GARS1: variants seen among roughly 807,000 people sequenced by gnomAD.
The protein encoded by GARS1 is glycyl-tRNA synthetase 1, also known as glycine--tRNA ligase.
Under a neutral mutation model 86.4 loss-of-function variants are expected in GARS1, and 46 were observed. That is an observed-to-expected ratio of 0.53 (90% CI 0.42 to 0.68). GARS1 has a LOEUF of 0.68. Among genes scored for constraint, GARS1 ranks in the 30% least tolerant of loss-of-function variants. GARS1 has a pLI of 0.00. For synonymous variants in GARS1, 342 were observed against 329.8 expected, an observed-to-expected ratio of 1.04 and a Z score of -0.40; for missense variants, 797 against 915.6, an observed-to-expected ratio of 0.87 and a Z score of 1.67.
intron 13 of GARS1, among the ~76,000 whole-genome samples, chr7:30,626,747 C>A (rs1783137302): frequency 6.6e-6 from 1 of 152,206 alleles, no homozygotes; most frequent in Non-Finnish European, 1.5e-5. Context: ...CTTTGGGAGG[C>A]CAAGGCGGGT....
Position 30,617,125 on chromosome 7 carries a change from TA to T in GARS1, c.1208del (p.Asn403ThrfsTer4). The T allele has an allele frequency of 6.2e-7, 1 of 1,614,162 alleles. No individual in the cohort carries two copies. Among genetic ancestry groups the T allele is most frequent in the Non-Finnish European group, 8.5e-7 (1 of 1,180,002 alleles). Reference sequence around the variant, plus strand: ...ATTGGTTGGTTTAGGGTGTGATTAATAACACAGTATTAGGCTATTTCATTGG... The same window carrying T: ...ATTGGTTGGTTTAGGGTGTGATTAATACACAGTATTAGGCTATTTCATTGG... ...GDAVEQGVIN[N>X]TVLGYFIGRI... On this transcript the variant is annotated frameshift_variant, in exon 10 of 17. Transcript: ENST00000389266. LOFTEE classifies it high-confidence loss of function.
rs1375309953 is a variant in GARS1, at chr7:30,621,387, T to C, written c.1360-6T>C. Reference sequence around the variant, plus strand: ...AGTAATGTTTTTATTGATTATATCTTTTTAGGGTTGGATTGAGATTGTTGG... The same window carrying C: ...AGTAATGTTTTTATTGATTATATCTCTTTAGGGTTGGATTGAGATTGTTGG... On this transcript the variant is annotated splice_region_variant and splice_polypyrimidine_tract_variant and intron_variant, in intron 10 of 16. Transcript: ENST00000389266. The C allele has an allele frequency of 1.2e-6, 2 of 1,612,506 alleles. No individual in the cohort carries two copies. Among genetic ancestry groups the C allele is most frequent in the Non-Finnish European group, 1.7e-6 (2 of 1,178,532 alleles).
In GARS1 at chr7:30,594,929, C is replaced by A. The variant is rs1184401493; in HGVS notation, c.8C>A (p.Ser3Tyr). Residue 3 changes from serine to tyrosine, a missense_variant, in exon 1 of 17, where the codon TCT becomes TAT. This residue lies in a region of GARS1 where 199 missense variants were observed against 176.9 expected (regional missense o/e 1.12). Coordinates refer to ENST00000389266, the MANE Select transcript of GARS1 (RefSeq NM_002047.4). ...GCCCAGGGCCGCAGGCTCATGCCCT[C>A]TCCGCGTCCAGTGCTGCTTAGAGGT... Reference protein sequence around the residue: MPSPRPVLLRGAR... With the variant: MPYPRPVLLRGAR... The A allele has an allele frequency of 6.3e-7, 1 of 1,589,326 alleles. No individual in the cohort carries two copies. Among genetic ancestry groups the A allele is most frequent in the South Asian group, 1.1e-5 (1 of 88,926 alleles).
chr7:30,600,795 C>T (rs1791357636), intron 3 of GARS1, among the ~76,000 whole-genome samples: 1 of 152,172 alleles, frequency 6.6e-6, no homozygotes, highest in Non-Finnish European at 1.5e-5. Flanking sequence ...CTTTTTCATT[C>T]TGTTCTCTAA....
intron 6 of GARS1, among the ~76,000 whole-genome samples, chr7:30,606,814 C>T (rs1321873111): frequency 6.6e-6 from 1 of 152,080 alleles, no homozygotes; most frequent in East Asian, 1.9e-4. Flanking sequence ...GTGATCTGAG[C>T]TAGGAAGTTG....
At chr7:30,622,065 C>T in intron 11 of GARS1, 2 of 503,440 alleles carry the variant, frequency 4.0e-6, no homozygotes, top group Non-Finnish European at 7.2e-6. Context: ...TGGGTCATTG[C>T]TGATTAGATA....
chr7:30,606,666 T>A (rs1260819450), intron 6 of GARS1, among the ~76,000 whole-genome samples: 4 of 152,222 alleles, frequency 2.6e-5, no homozygotes, highest in Admixed American at 2.0e-4. Flanking sequence ...GAAAACTTCC[T>A]TTAATATGAC....
At chr7:30,613,869 G>C (rs1468457879) in intron 8 of GARS1, among the ~76,000 whole-genome samples, 1 of 152,126 alleles carries the variant, frequency 6.6e-6, no homozygotes, top group Non-Finnish European at 1.5e-5. Flanking sequence ...AGAGTTCTCT[G>C]GTGATTAATC....
intron 1 of GARS1, among the ~76,000 whole-genome samples, chr7:30,595,644 T>C (rs1037064855): frequency 6.6e-6 from 1 of 152,224 alleles, no homozygotes; most frequent in African/African-American, 2.4e-5. Flanking sequence ...CCTTTAATCT[T>C]TAGGATGCTT....
chr7:30,606,137 G>C (rs1350271224), intron 6 of GARS1, among the ~76,000 whole-genome samples: 1 of 152,112 alleles, frequency 6.6e-6, no homozygotes, highest in Non-Finnish European at 1.5e-5. Flanking sequence ...TTAGAAGCTT[G>C]ACCAGGTATT....
chr7:30,609,001 C>T (rs1204360124), intron 6 of GARS1, among the ~76,000 whole-genome samples: 1 of 152,176 alleles, frequency 6.6e-6, no homozygotes, highest in Non-Finnish European at 1.5e-5. Flanking sequence ...GGAGGGCATA[C>T]ATCATTTTAC....
rs753947676 is a variant in GARS1 at position 30,622,402 on chromosome 7, A to T, written c.1553A>T (p.Tyr518Phe). 1 of 1,612,804 alleles carries T rather than the reference A, an allele frequency of 6.2e-7. No individual in the cohort carries two copies. Among genetic ancestry groups the T allele is most frequent in the East Asian group, 2.2e-5 (1 of 44,862 alleles). ...YKKDAKLVME[Y>F]LAICDECYIT... ...AAGGATGCAAAACTGGTGATGGAGT[A>T]TCTTGCCATTTGTGATGAGTGCTAC... Residue 518 changes from tyrosine to phenylalanine, a missense_variant, in exon 12 of 17, where the codon TAT becomes TTT. This residue lies in a region of GARS1 where 598 missense variants were observed against 738.7 expected (regional missense o/e 0.81). Transcript: ENST00000389266.
intron 1 of GARS1, among the ~76,000 whole-genome samples, chr7:30,596,455 C>T (rs1226748049): frequency 6.6e-6 from 1 of 151,896 alleles, no homozygotes; most frequent in Non-Finnish European, 1.5e-5. Context: ...AATATCCTTC[C>T]CTTTAGAAGG....
At chr7:30,609,494 A>C in intron 6 of GARS1, 91 bp from the exon 7 acceptor site, 1 of 1,049,908 alleles carries the variant, frequency 9.5e-7, no homozygotes, top group Non-Finnish European at 1.5e-6. Context: ...GTGTGATTGT[A>C]GCAGTGGATG....
intron 1 of GARS1, among the ~76,000 whole-genome samples, chr7:30,595,344 C>T (rs1374257831): frequency 2.0e-5 from 3 of 152,216 alleles, no homozygotes. Flanking sequence ...CCGCGGACCT[C>T]CGTCCTCCTC....
In GARS1 at chr7:30,600,084, G is replaced by T. The variant is rs370915469; in HGVS notation, c.427+35G>T. The T allele has an allele frequency of 2.3e-5, 32 of 1,404,272 alleles. No individual in the cohort carries two copies. In the African/African-American group the frequency reaches 3.2e-4, roughly 14 times the overall value. The allele number at this position is 1,404,272 out of a possible 1,614,324, so 87.0% of individuals were successfully genotyped here. ...TAATGACAAAAAGAACTATTGTGTT[G>T]TTAGTGGCTCTAATATTATACTTAA... On this transcript the variant is annotated intron_variant, in intron 3 of 16. Coordinates refer to ENST00000389266, the MANE Select transcript of GARS1 (RefSeq NM_002047.4).
At chr7:30,620,853 T>G (rs1584042950) in intron 10 of GARS1, among the ~76,000 whole-genome samples, 1 of 152,308 alleles carries the variant, frequency 6.6e-6, no homozygotes, top group East Asian at 1.9e-4. Flanking sequence ...ATCTAAAGAA[T>G]AGTGGTTTCT....
At chr7:30,599,653 T>G (rs1014715087) in intron 2 of GARS1, among the ~76,000 whole-genome samples, 1 of 152,202 alleles carries the variant, frequency 6.6e-6, no homozygotes, top group African/African-American at 2.4e-5. Flanking sequence ...TCCACCCACT[T>G]CGGCCTCCCA....
chr7:30,610,174 A>G (rs1791569338), intron 7 of GARS1, among the ~76,000 whole-genome samples: 1 of 152,234 alleles, frequency 6.6e-6, no homozygotes, highest in African/African-American at 2.4e-5. Flanking sequence ...GCTCTTGAGC[A>G]CTCATAATGG....
Sources: gnomAD v4.1 joint callset for allele counts (sites outside exome capture counted in the v4.1 genomes callset) on GRCh38, gnomAD v4.1.1 for gene constraint, gnomAD v4.1.1 regional missense constraint, MANE v1.5 for transcripts, NCBI Gene and HGNC (gene_info 2026-07-23, HGNC 2026-07-21) for gene names.